ITPKB: variants seen among roughly 807,000 people sequenced by gnomAD.
ITPKB encodes the protein inositol-trisphosphate 3-kinase B.
In ITPKB, 13 loss-of-function variants were observed where a neutral mutation model predicts 69.4. The observed-to-expected ratio is 0.19, with a 90% CI of 0.12 to 0.30. ITPKB has a LOEUF of 0.30. ITPKB is among the 10% of genes least tolerant of loss of function. The pLI is 1.00. For missense variants in ITPKB, 1,240 were observed against 1,250.5 expected, an observed-to-expected ratio of 0.99 and a Z score of 0.13; for synonymous variants, 584 against 513.7, an observed-to-expected ratio of 1.14 and a Z score of -1.85.
Position 226,735,678 on chromosome 1 carries a change from G to A in ITPKB, c.1781C>T (p.Pro594Leu), listed in dbSNP as rs776372934. ...ETQGSPRGNL[P>L]LRKLSSSSAS... ...CGAGGAAGAGGACAGTTTCCTCAGG[G>A]GCAGGTTGCCCCGAGGGCTTCCCTG... Residue 594 changes from proline to leucine, a missense_variant, in exon 2 of 8, where the codon CCC becomes CTC. Transcript: ENST00000429204. The A allele has an allele frequency of 2.1e-5, 34 of 1,607,908 alleles. No individual in the cohort carries two copies. The highest frequency in any genetic ancestry group is 7.7e-5 in the South Asian group (7 of 90,432).
chr1:226,663,680 T>A (rs1337945574), intron 2 of ITPKB, among the ~76,000 whole-genome samples: 2 of 151,998 alleles, frequency 1.3e-5, no homozygotes, highest in Non-Finnish European at 2.9e-5. Context: ...CCACCATGCC[T>A]GAATAATTTT....
chr1:226,694,502 G>C (rs1010587119), intron 2 of ITPKB, among the ~76,000 whole-genome samples: 5 of 152,126 alleles, frequency 3.3e-5, no homozygotes, highest in Non-Finnish European at 5.9e-5. Context: ...GATGAACTGG[G>C]TACCCACAGA....
At chr1:226,706,933 A>C (rs149390083) in intron 2 of ITPKB, among the ~76,000 whole-genome samples, 1 of 152,144 alleles carries the variant, frequency 6.6e-6, no homozygotes, top group African/African-American at 2.4e-5. Flanking sequence ...CTCTCAGCCA[A>C]ATTTCTTCCT....
At chr1:226,649,458 T>C (rs1484565474) in intron 2 of ITPKB, among the ~76,000 whole-genome samples, 1 of 142,236 alleles carries the variant, frequency 7.0e-6, no homozygotes, top group Non-Finnish European at 1.5e-5. Context: ...TGTGCATGTG[T>C]GATATGTGCA....
intron 2 of ITPKB, among the ~76,000 whole-genome samples, chr1:226,694,682 G>A (rs765589199): frequency 6.6e-6 from 1 of 152,214 alleles, no homozygotes; most frequent in Non-Finnish European, 1.5e-5. Context: ...ATTCTCTGCT[G>A]TCCTGTGCAC....
rs1303270056 is a variant in ITPKB at position 226,633,568 on chromosome 1, A to T, written c.*1103T>A. The T allele has an allele frequency of 6.6e-6, 1 of 152,226 alleles. No homozygotes were observed. The highest frequency in any genetic ancestry group is 1.5e-5 in the Non-Finnish European group (1 of 68,042). The allele number at this position is 152,226 out of a possible 1,614,324, so 9.4% of individuals were successfully genotyped here. A position where few individuals can be genotyped will look rare whatever the true frequency, so the allele number is the denominator to read the frequency against. ...ACCACATACCCTACAAGATACCCAC[A>T]CTACATTGGAGAAGCAGGAATCTAA... is the stretch of plus-strand genomic sequence containing the variant. On this transcript the variant is annotated 3_prime_UTR_variant, in exon 8 of 8. Transcript: ENST00000429204.
chr1:226,671,327 A>T (rs1292170041), intron 2 of ITPKB, among the ~76,000 whole-genome samples: 1 of 152,240 alleles, frequency 6.6e-6, no homozygotes, highest in Non-Finnish European at 1.5e-5. Flanking sequence ...AACAGATCAA[A>T]GGAGTGAGCC....
At chr1:226,662,418 C>G (rs1434959518) in intron 2 of ITPKB, among the ~76,000 whole-genome samples, 6 of 152,210 alleles carry the variant, frequency 3.9e-5, no homozygotes, top group Admixed American at 3.9e-4. Context: ...ACCCCTGGTT[C>G]TTTTTCAGAG....
chr1:226,678,935 A>G (rs3754395), intron 2 of ITPKB, among the ~76,000 whole-genome samples: 28,473 of 152,192 alleles, frequency 0.19, 2,684 homozygotes, highest in Middle Eastern at 0.33. Flanking sequence ...CTCAGGGAGC[A>G]CGCCTCTGCG....
At chr1:226,667,346 AC>A (rs1363182544) in intron 2 of ITPKB, among the ~76,000 whole-genome samples, 2 of 152,156 alleles carry the variant, frequency 1.3e-5, no homozygotes, top group Non-Finnish European at 2.9e-5. Context: ...CCCCGCCAAG[AC>A]CCAAGAGTCT....
intron 2 of ITPKB, among the ~76,000 whole-genome samples, chr1:226,650,418 A>G (rs1338020997): frequency 1.3e-5 from 2 of 152,254 alleles, no homozygotes; most frequent in Admixed American, 6.5e-5. Flanking sequence ...ACTGACAAGG[A>G]TGTTTTTCCT....
At chr1:226,672,465 C>T (rs1669635557) in intron 2 of ITPKB, among the ~76,000 whole-genome samples, 1 of 152,216 alleles carries the variant, frequency 6.6e-6, no homozygotes, top group African/African-American at 2.4e-5. Flanking sequence ...TTCCTTTTGC[C>T]TTTGAAAACC....
Position 226,735,560 on chromosome 1 carries a change from G to A in ITPKB, c.1899C>T (p.Phe633=), listed in dbSNP as rs1657720334. 2 of 1,549,516 alleles carry A rather than the reference G, an allele frequency of 1.3e-6. No homozygotes were observed. The highest frequency in any genetic ancestry group is 2.7e-5 in the African/African-American group (2 of 72,890). The part of the protein sequence containing the change: ...PERTLDPNSA[F]LHTLDQQKPR... ...GTTTCTGCTGGTCCAGGGTATGCAG[G>A]AAGGCTGAGTTGGGGTCCAGGGTGC... The change falls in exon 2 of 8, where the codon TTC becomes TTT. Residue 633 remains phenylalanine (F), a synonymous_variant. Transcript: ENST00000429204.
At chr1:226,735,322 C>T (rs986016682) in intron 2 of ITPKB, among the ~76,000 whole-genome samples, 2 of 152,202 alleles carry the variant, frequency 1.3e-5, no homozygotes, top group African/African-American at 4.8e-5. Context: ...GACTCAGATT[C>T]ACTGTCCAAG....
chr1:226,655,008 G>A (rs781474501), intron 2 of ITPKB, among the ~76,000 whole-genome samples: 1 of 150,618 alleles, frequency 6.6e-6, no homozygotes, highest in African/African-American at 2.4e-5. Flanking sequence ...AGGAGGGTAC[G>A]AAGAGGAAAG....
At chr1:226,702,179 TGAGGTCTAGAGTTCAAGACCAGCCTG>T (rs1656684130) in intron 2 of ITPKB, among the ~76,000 whole-genome samples, 1 of 152,068 alleles carries the variant, frequency 6.6e-6, no homozygotes, top group South Asian at 2.1e-4. Context: ...GTGGATCACT[TGAGGTCTAGAGTTCAAGACCAGCCTG>T]GCCAACATGG....
intron 2 of ITPKB, among the ~76,000 whole-genome samples, chr1:226,696,210 C>T (rs2102784436): frequency 6.6e-6 from 1 of 152,296 alleles, no homozygotes; most frequent in East Asian, 1.9e-4. Flanking sequence ...TTAGTTTCCA[C>T]ATCTGTGAAA....
intron 2 of ITPKB, among the ~76,000 whole-genome samples, chr1:226,649,288 T>TGC (rs1669122215): frequency 6.9e-6 from 1 of 144,188 alleles, no homozygotes; most frequent in Admixed American, 7.0e-5. Flanking sequence ...CATGTGTGTG[T>TGC]GCGTGTGTGT....
chr1:226,638,120 A>C (rs909278373), intron 6 of ITPKB, among the ~76,000 whole-genome samples: 2 of 152,332 alleles, frequency 1.3e-5, no homozygotes, highest in Admixed American at 1.3e-4. Context: ...ACAGGTACAC[A>C]GAGTTCCTCA....
Sources: gnomAD v4.1 joint callset for allele counts (sites outside exome capture counted in the v4.1 genomes callset) on GRCh38, gnomAD v4.1.1 for gene constraint, MANE v1.5 for transcripts, NCBI Gene and HGNC (gene_info 2026-07-23, HGNC 2026-07-21) for gene names.